Variants in FBXO40 observed in about 807,000 individuals in gnomAD.
FBXO40 encodes the protein F-box only protein 40.
Under a neutral mutation model 49.9 loss-of-function variants are expected in FBXO40, and 50 were observed. The observed-to-expected ratio is 1.00, with a 90% CI of 0.80 to 1.27. The LOEUF is 1.27. Ranked by LOEUF, FBXO40 falls within the 50% of genes most tolerant of loss-of-function variation. FBXO40 has a pLI of 0.00. For synonymous variants in FBXO40, 340 were observed against 320.2 expected (o/e 1.06, Z -0.66); for missense variants, 895 against 870.1 (o/e 1.03, Z -0.36).
chr3:121,611,316 G>A (rs1021835718), intron 1 of FBXO40, among the ~76,000 whole-genome samples: 7 of 152,206 alleles, frequency 4.6e-5, no homozygotes, highest in African/African-American at 1.4e-4. Flanking sequence ...CAGCAAAAAG[G>A]AATGTAGTAG....
At chr3:121,602,093 G>A (rs2048903859) in intron 1 of FBXO40, among the ~76,000 whole-genome samples, 1 of 152,174 alleles carries the variant, frequency 6.6e-6, no homozygotes, top group Admixed American at 6.5e-5. Flanking sequence ...ATCATTTGAG[G>A]CCGTAGCTCA....
At chr3:121,596,585 G>T (rs951737256) in intron 1 of FBXO40, among the ~76,000 whole-genome samples, 2 of 152,132 alleles carry the variant, frequency 1.3e-5, no homozygotes, top group African/African-American at 4.8e-5. Flanking sequence ...ATGGAATATG[G>T]ATTTCTTAAT....
intron 1 of FBXO40, among the ~76,000 whole-genome samples, chr3:121,594,315 T>C (rs1560125682): frequency 6.6e-6 from 1 of 152,134 alleles, no homozygotes. Context: ...AGCCTCCTGC[T>C]TCAGCCTCCT....
chr3:121,611,560 T>G (rs1342719668), intron 1 of FBXO40, among the ~76,000 whole-genome samples: 2 of 152,208 alleles, frequency 1.3e-5, no homozygotes, highest in African/African-American at 2.4e-5. Flanking sequence ...ATTGAACAAA[T>G]ATACAATCAG....
Position 121,623,409 on chromosome 3 carries a change from G to C in FBXO40, c.1914+66G>C, listed in dbSNP as rs747393941. The C allele has an allele frequency of 5.8e-6, 8 of 1,390,020 alleles. No individual in the cohort carries two copies. In the East Asian group the frequency reaches 1.2e-4, roughly 20 times the overall value. 86.1% of individuals were successfully genotyped at this position (1,390,020 alleles called of 1,614,324 possible). On this transcript the variant is annotated intron_variant, in intron 3 of 3. Transcript: ENST00000338040. The stretch of plus-strand genomic sequence containing the variant: ...TTTTTGTTTCATTTTTTATAGACAG[G>C]TTCTCTCTCTGTTGCCCAGGCAAAA...
chr3:121,603,067 A>G (rs1195334257), intron 1 of FBXO40, among the ~76,000 whole-genome samples: 1 of 152,240 alleles, frequency 6.6e-6, no homozygotes, highest in Non-Finnish European at 1.5e-5. Flanking sequence ...ACAGACTGCC[A>G]TCTTTTACTC....
At chr3:121,602,872 C>T (rs1298931742) in intron 1 of FBXO40, among the ~76,000 whole-genome samples, 1 of 152,076 alleles carries the variant, frequency 6.6e-6, no homozygotes, top group African/African-American at 2.4e-5. Flanking sequence ...GGCTCTTGGA[C>T]CCAAAGATGT....
intron 1 of FBXO40, among the ~76,000 whole-genome samples, chr3:121,602,382 G>T (rs1442288321): frequency 6.6e-6 from 1 of 151,980 alleles, no homozygotes; most frequent in Non-Finnish European, 1.5e-5. Flanking sequence ...AAACTTTCAG[G>T]ACCCATCTCT....
rs762439267 is a variant in FBXO40, at chr3:121,621,679, C to A, written c.250C>A (p.His84Asn). The A allele has an allele frequency of 3.2e-5, 52 of 1,614,088 alleles. No homozygotes were observed. The highest frequency in any genetic ancestry group is 1.8e-4 in the Admixed American group (11 of 60,012). ...CATGTCCCGCCACAAACTGGCCAAG[C>A]ACCTGCAGGTGTGCCCCGCCAGCGT... ...LSMSRHKLAK[H>N]LQVCPASVVC... The change falls in exon 3 of 4, where the codon CAC (histidine) becomes AAC (asparagine). Residue 84 changes from histidine to asparagine, a missense_variant. Physicochemically the swap from His to Asn is moderately conservative, Grantham distance 68. Coordinates refer to ENST00000338040, the MANE Select transcript of FBXO40 (RefSeq NM_016298.4).
chr3:121,625,121 C>T (rs1305298844), intron 3 of FBXO40, among the ~76,000 whole-genome samples: 1 of 152,166 alleles, frequency 6.6e-6, no homozygotes, highest in Non-Finnish European at 1.5e-5. Flanking sequence ...AGAACCTTTC[C>T]CTTCAGAAAT....
intron 1 of FBXO40, among the ~76,000 whole-genome samples, chr3:121,617,288 T>C (rs1361553151): frequency 2.0e-5 from 3 of 152,100 alleles, no homozygotes; most frequent in Non-Finnish European, 4.4e-5. Flanking sequence ...TATGCACAAA[T>C]ACTATGTATC....
chr3:121,624,250 A>G (rs2049050466), intron 3 of FBXO40, among the ~76,000 whole-genome samples: 1 of 152,058 alleles, frequency 6.6e-6, no homozygotes, highest in Non-Finnish European at 1.5e-5. Flanking sequence ...TCAGCCTCCT[A>G]AAGTGCTGGG....
chr3:121,626,002 G>A (rs890909474), intron 3 of FBXO40, among the ~76,000 whole-genome samples: 3 of 152,174 alleles, frequency 2.0e-5, no homozygotes, highest in African/African-American at 7.2e-5. Flanking sequence ...CTCCTATGGG[G>A]TTCCCACTCT....
At chr3:121,607,080 T>C (rs1320133843) in intron 1 of FBXO40, among the ~76,000 whole-genome samples, 6 of 151,924 alleles carry the variant, frequency 3.9e-5, no homozygotes, top group Admixed American at 3.9e-4. Flanking sequence ...GCCTGGCCAA[T>C]ATGGTGAAAC....
In FBXO40 at chr3:121,623,305, T is replaced by A; in HGVS notation, c.1876T>A (p.Tyr626Asn). 6.2e-7 allele frequency: 1 copy of A among 1,614,164 alleles called. No homozygotes were observed. The highest frequency in any genetic ancestry group is 8.5e-7 in the Non-Finnish European group (1 of 1,180,032). ...CCTTTTGCAATGGAAGAAAAAGAGG[T>A]ATTCCCATGGAGGCACCTCCTGGAG... ...MVLLQWKKKRYSHGGTSWRVH... is the reference protein window; with the variant it reads ...MVLLQWKKKRNSHGGTSWRVH... The change falls in exon 3 of 4, where the codon TAT (tyrosine) becomes AAT (asparagine). Residue 626 changes from tyrosine (Y) to asparagine (N), a missense_variant. Coordinates refer to ENST00000338040, the MANE Select transcript of FBXO40 (RefSeq NM_016298.4).
rs377285885 is a variant in FBXO40, at chr3:121,621,678, G to T, written c.249G>T (p.Lys83Asn). The change falls in exon 3 of 4, where the codon AAG becomes AAT. Residue 83 changes from lysine (K) to asparagine (N), a missense_variant. By Grantham distance (94) the Lys-to-Asn change is moderately conservative (BLOSUM62 0). Coordinates refer to ENST00000338040, the MANE Select transcript of FBXO40 (RefSeq NM_016298.4). Reference protein sequence around the residue: ...PLSMSRHKLAKHLQVCPASVV... With the variant: ...PLSMSRHKLANHLQVCPASVV... ...CCATGTCCCGCCACAAACTGGCCAAGCACCTGCAGGTGTGCCCCGCCAGCG... is the reference window on the plus strand; with the variant it reads ...CCATGTCCCGCCACAAACTGGCCAATCACCTGCAGGTGTGCCCCGCCAGCG... The T allele has an allele frequency of 5.0e-6, 8 of 1,614,106 alleles. No individual in the cohort carries two copies. The highest frequency in any genetic ancestry group is 5.9e-6 in the Non-Finnish European group (7 of 1,180,026).
intron 1 of FBXO40, among the ~76,000 whole-genome samples, chr3:121,609,510 G>A (rs1305597441): frequency 6.6e-6 from 1 of 151,964 alleles, no homozygotes; most frequent in Non-Finnish European, 1.5e-5. Flanking sequence ...AACTGTCCAG[G>A]TTAGTTGTGA....
intron 1 of FBXO40, among the ~76,000 whole-genome samples, chr3:121,607,673 A>G (rs542998159): frequency 2.6e-5 from 4 of 152,076 alleles, no homozygotes; most frequent in Non-Finnish European, 5.9e-5. Context: ...GAAGGTAACA[A>G]TAAACACCAG....
intron 1 of FBXO40, among the ~76,000 whole-genome samples, chr3:121,617,320 G>C (rs1383066641): frequency 1.3e-5 from 2 of 152,130 alleles, no homozygotes; most frequent in Non-Finnish European, 2.9e-5. Flanking sequence ...TTTGGGCCGG[G>C]CACAGTGGCT....
Sources: allele counts gnomAD v4.1 joint callset (sites outside exome capture counted in the v4.1 genomes callset), GRCh38; gene constraint gnomAD v4.1.1; transcripts MANE v1.5; gene names NCBI Gene and HGNC (gene_info 2026-07-23, HGNC 2026-07-21).